The following PDE1C variants were observed in gnomAD, a reference collection of about 807,000 sequenced individuals.
PDE1C encodes the protein dual specificity calcium/calmodulin-dependent 3',5'-cyclic nucleotide phosphodiesterase 1C.
Under a neutral mutation model 93.1 loss-of-function variants are expected in PDE1C, and 62 were observed. That is an observed-to-expected ratio of 0.67 (90% CI 0.54 to 0.82). The LOEUF is 0.82. PDE1C is among the 40% of genes least tolerant of loss of function. The pLI is 0.00. For synonymous variants in PDE1C, 325 were observed against 310.1 expected (o/e 1.05, Z -0.50); for missense variants, 742 against 884.6 (o/e 0.84, Z 2.04).
chr7:32,217,037 A>G (rs554704375), intron 1 of PDE1C, among the ~76,000 whole-genome samples: 1 of 152,370 alleles, frequency 6.6e-6, no homozygotes, highest in Non-Finnish European at 1.5e-5. Context: ...TGAGGTGGGC[A>G]AAGAGGCCAG....
the PDE1C span, among the ~76,000 whole-genome samples, chr7:31,632,889 C>CATTT: frequency 1.3e-5 from 2 of 151,484 alleles, no homozygotes; most frequent in African/African-American, 4.9e-5. Context: ...TTTATTCATT[C>CATTT]ATTTATTTAT....
intron 17 of PDE1C, among the ~76,000 whole-genome samples, chr7:31,767,773 G>GGCCCTCTTCCTCTTCCAGGTTGC (rs1795233745): frequency 6.6e-6 from 1 of 152,104 alleles, no homozygotes; most frequent in Non-Finnish European, 1.5e-5. Context: ...TTCCAGGGAG[G>GGCCCTCTTCCTCTTCCAGGTTGC]GCCCTCTTCC....
At chr7:32,377,086 T>G (rs1047768216) in intron 1 of PDE1C, among the ~76,000 whole-genome samples, 6 of 152,098 alleles carry the variant, frequency 3.9e-5, no homozygotes, top group Non-Finnish European at 7.4e-5. Context: ...GCTGTAGCCA[T>G]TCCCTCCCTC....
At chr7:32,135,822 T>C (rs1800172875) in intron 3 of PDE1C, among the ~76,000 whole-genome samples, 1 of 152,220 alleles carries the variant, frequency 6.6e-6, no homozygotes, top group Admixed American at 6.5e-5. Context: ...TATACGTTCA[T>C]GTTCATTGCA....
chr7:32,317,861 T>C (rs1285781940), intron 1 of PDE1C, among the ~76,000 whole-genome samples: 1 of 152,182 alleles, frequency 6.6e-6, no homozygotes, highest in Non-Finnish European at 1.5e-5. Context: ...ACTCAGTAAA[T>C]ATCAGCTGTT....
intron 6 of PDE1C, among the ~76,000 whole-genome samples, chr7:31,869,105 A>T (rs1443404999): frequency 6.6e-6 from 1 of 152,038 alleles, no homozygotes; most frequent in Non-Finnish European, 1.5e-5. Flanking sequence ...AAAGGAAAAA[A>T]CTCACTGGTA....
At chr7:32,309,416 T>C (rs574555761) in intron 1 of PDE1C, among the ~76,000 whole-genome samples, 138 of 152,178 alleles carry the variant, frequency 9.1e-4, no homozygotes, top group Non-Finnish European at 1.7e-3. Flanking sequence ...AAGATACTCC[T>C]CAAGAAGAGC....
intron 17 of PDE1C, among the ~76,000 whole-genome samples, chr7:31,771,147 C>T (rs1020214466): frequency 6.6e-6 from 1 of 152,148 alleles, no homozygotes; most frequent in African/African-American, 2.4e-5. Flanking sequence ...ACAGCCTGCA[C>T]CAAAAATCAA....
chr7:31,851,090 ACACACACACAT>A (rs1460020761), intron 7 of PDE1C, among the ~76,000 whole-genome samples: 13 of 10,768 alleles, frequency 1.2e-3, no homozygotes, highest in Admixed American at 2.3e-3. Flanking sequence ...ACACACACAC[ACACACACACAT>A]AAAAAAATTA....
chr7:32,321,493 T>C (rs944180091), intron 1 of PDE1C, among the ~76,000 whole-genome samples: 1 of 152,218 alleles, frequency 6.6e-6, no homozygotes, highest in Admixed American at 6.5e-5. Flanking sequence ...GGAGTGTTAC[T>C]CTGTTATCTT....
intron 3 of PDE1C, among the ~76,000 whole-genome samples, chr7:32,092,045 G>C (rs1028184188): frequency 1.3e-5 from 2 of 152,160 alleles, no homozygotes; most frequent in African/African-American, 4.8e-5. Context: ...CATATGTTCA[G>C]GCTCATCCCT....
chr7:31,865,106 TTAAC>T (rs753607521), intron 6 of PDE1C, 24 bp from the exon 7 acceptor site: 1 of 1,613,642 alleles, frequency 6.2e-7, no homozygotes, highest in South Asian at 1.1e-5. Context: ...GTAAGGTTAA[TTAAC>T]TAGTGACTTC....
chr7:32,260,090 C>A (rs766116257), intron 1 of PDE1C, among the ~76,000 whole-genome samples: 1 of 152,168 alleles, frequency 6.6e-6, no homozygotes, highest in East Asian at 1.9e-4. Context: ...TGTTTCCAGG[C>A]GGACTGATAG....
intron 2 of PDE1C, among the ~76,000 whole-genome samples, chr7:32,180,892 T>C (rs1041779291): frequency 3.9e-5 from 6 of 152,194 alleles, no homozygotes; most frequent in African/African-American, 1.4e-4. Flanking sequence ...TTATGAAGAA[T>C]GGACTGTGTC....
Position 32,423,058 on chromosome 7 carries a change from A to G in PDE1C, c.310+4764T>C, listed in dbSNP as rs544738776. On this transcript the variant is annotated intron_variant, in intron 1 of 1. Transcript: ENST00000672256. Reference sequence around the variant, plus strand: ...TGACCCTTTGACTAGCAGCATTCACAGCATCTAGGAACTGGTCAGAAATGC... The same window carrying G: ...TGACCCTTTGACTAGCAGCATTCACGGCATCTAGGAACTGGTCAGAAATGC... Among the ~76,000 whole-genome samples, 5 of 152,330 alleles carry G rather than the reference A, an allele frequency of 3.3e-5. No individual in the cohort carries two copies. In the East Asian group the frequency reaches 9.7e-4, roughly 29 times the overall value.
intron 2 of PDE1C, among the ~76,000 whole-genome samples, chr7:32,014,606 C>T (rs184156279): frequency 3.7e-4 from 57 of 152,260 alleles, no homozygotes; most frequent in Admixed American, 2.4e-3. Flanking sequence ...GCTCTCCCTC[C>T]CCTTGCCCTC....
chr7:32,089,048 C>G (rs1584741303), intron 3 of PDE1C, among the ~76,000 whole-genome samples: 1 of 152,160 alleles, frequency 6.6e-6, no homozygotes, highest in African/African-American at 2.4e-5. Context: ...AAATATAGCT[C>G]TCAAACGCCA....
chr7:32,031,480 G>A (rs1186397235), intron 2 of PDE1C, among the ~76,000 whole-genome samples: 4 of 152,152 alleles, frequency 2.6e-5, no homozygotes, highest in Non-Finnish European at 4.4e-5. Flanking sequence ...ACCCTTCAGA[G>A]AAAGGAGAGA....
intron 2 of PDE1C, among the ~76,000 whole-genome samples, chr7:31,976,902 G>C (rs1811741290): frequency 6.6e-6 from 1 of 152,120 alleles, no homozygotes; most frequent in African/African-American, 2.4e-5. Flanking sequence ...TCAAGCCAGT[G>C]GTTCTCAAAG....
Sources: allele counts gnomAD v4.1 joint callset (sites outside exome capture counted in the v4.1 genomes callset), GRCh38; gene constraint gnomAD v4.1.1; transcripts MANE v1.5; gene names NCBI Gene and HGNC (gene_info 2026-07-23, HGNC 2026-07-21).